CA10: variants seen among roughly 807,000 people sequenced by gnomAD.
CA10 encodes the protein carbonic anhydrase-related protein 10.
Under a neutral mutation model 44.2 loss-of-function variants are expected in CA10, and 14 were observed. That is an observed-to-expected ratio of 0.32 (90% CI 0.21 to 0.50). The LOEUF is 0.50. Ranked by LOEUF, CA10 falls within the 20% of genes least tolerant of loss-of-function variation. The pLI, the probability that CA10 is intolerant of heterozygous loss-of-function variation, is 0.99. For synonymous variants in CA10, 159 were observed against 141.6 expected (o/e 1.12, Z -0.87); for missense variants, 350 against 409.7 (o/e 0.85, Z 1.26).
chr17:51,874,991 T>TTTCTG (rs1980002479), intron 3 of CA10, among the ~76,000 whole-genome samples: 1 of 149,300 alleles, frequency 6.7e-6, no homozygotes, highest in South Asian at 2.1e-4. Context: ...TTTCTTTTCT[T>TTTCTG]TTCTTTTCTT....
chr17:51,914,186 A>T (rs760816224), intron 3 of CA10, among the ~76,000 whole-genome samples: 1 of 152,160 alleles, frequency 6.6e-6, no homozygotes, highest in African/African-American at 2.4e-5. Context: ...TGAACACCCC[A>T]GCTGCAAAAA....
At chr17:51,919,310 G>A (rs1567885144) in intron 3 of CA10, among the ~76,000 whole-genome samples, 1 of 152,024 alleles carries the variant, frequency 6.6e-6, no homozygotes, top group Admixed American at 6.5e-5. Flanking sequence ...GGAGTAGATC[G>A]ACCAATTTCA....
intron 1 of CA10, among the ~76,000 whole-genome samples, chr17:52,086,615 G>A: frequency 6.6e-6 from 1 of 152,138 alleles, no homozygotes; most frequent in East Asian, 1.9e-4. Flanking sequence ...AGAACTGAGG[G>A]AAGTCTTGTA....
At chr17:52,109,567 C>T (rs574240510) in intron 1 of CA10, among the ~76,000 whole-genome samples, 10 of 152,272 alleles carry the variant, frequency 6.6e-5, no homozygotes, top group African/African-American at 2.4e-4. Flanking sequence ...CAGATTAATG[C>T]AGATTACATT....
chr17:52,106,529 A>G (rs1803636744), intron 1 of CA10, among the ~76,000 whole-genome samples: 2 of 152,196 alleles, frequency 1.3e-5, no homozygotes, highest in African/African-American at 4.8e-5. Context: ...TGCTACAAAA[A>G]CACATGTCAA....
intron 3 of CA10, among the ~76,000 whole-genome samples, chr17:51,826,669 A>G (rs2143774469): frequency 6.6e-6 from 1 of 152,312 alleles, no homozygotes; most frequent in Admixed American, 6.5e-5. Context: ...TAGGGTCAGC[A>G]GTGGCTCCCT....
At chr17:52,098,670 C>T (rs563331744) in intron 1 of CA10, among the ~76,000 whole-genome samples, 2 of 152,282 alleles carry the variant, frequency 1.3e-5, no homozygotes, top group East Asian at 3.9e-4. Context: ...TTTGCAGCTA[C>T]ACTAGTTTGG....
At chr17:51,712,887 TA>T (rs1231273105) in intron 4 of CA10, among the ~76,000 whole-genome samples, 7 of 152,198 alleles carry the variant, frequency 4.6e-5, no homozygotes, top group South Asian at 2.1e-4. Context: ...CTTCCTTCCA[TA>T]AAGGCAGGAG....
chr17:51,934,905 T>C (rs1051797763), intron 2 of CA10, among the ~76,000 whole-genome samples: 3 of 152,226 alleles, frequency 2.0e-5, no homozygotes, highest in East Asian at 1.9e-4. Context: ...GTAATCTAGA[T>C]TCTAGGGAAA....
intron 1 of CA10, among the ~76,000 whole-genome samples, chr17:52,151,343 C>A (rs573903494): frequency 3.9e-5 from 6 of 152,170 alleles, no homozygotes; most frequent in Admixed American, 3.3e-4. Context: ...ACTATTCTTG[C>A]CACATGATAT....
intron 3 of CA10, among the ~76,000 whole-genome samples, chr17:51,890,640 C>T (rs569360374): frequency 6.6e-6 from 1 of 152,102 alleles, no homozygotes; most frequent in Non-Finnish European, 1.5e-5. Flanking sequence ...AATGAGTGAA[C>T]AGTATATTAA....
chr17:51,634,009 T>A (rs1259956605), intron 7 of CA10, among the ~76,000 whole-genome samples: 2 of 152,206 alleles, frequency 1.3e-5, no homozygotes, highest in Non-Finnish European at 2.9e-5. Flanking sequence ...GACTCCCACA[T>A]GGTATTACGT....
At chr17:51,874,576 C>A (rs897756019) in intron 3 of CA10, among the ~76,000 whole-genome samples, 1 of 152,050 alleles carries the variant, frequency 6.6e-6, no homozygotes, top group African/African-American at 2.4e-5. Context: ...TGAGAGAGCA[C>A]CAGGTGACCT....
chr17:51,990,378 T>C (rs747439228), intron 2 of CA10, among the ~76,000 whole-genome samples: 2 of 152,050 alleles, frequency 1.3e-5, no homozygotes, highest in Non-Finnish European at 2.9e-5. Flanking sequence ...AGAAAACATT[T>C]ATGAAATTCT....
chr17:51,933,413 G>A (rs1308322981), intron 2 of CA10, among the ~76,000 whole-genome samples: 1 of 151,956 alleles, frequency 6.6e-6, no homozygotes, highest in Non-Finnish European at 1.5e-5. Flanking sequence ...ATGGAGGAAG[G>A]GGACATGAAC....
rs56145404 is a variant in CA10, at chr17:51,754,400, GATATATATATATATATATAT to G, written c.280-6602_280-6583del. Among the ~76,000 whole-genome samples the G allele has an allele frequency of 5.6e-3, 409 of 73,102 alleles. 9 individuals carry two copies. The highest frequency in any genetic ancestry group is 0.043 in the Middle Eastern group (4 of 92). The allele number at this position is 73,102 out of a possible 152,430, so 48.0% of individuals were successfully genotyped here. A position where few individuals can be genotyped will look rare whatever the true frequency, so the allele number is the denominator to read the frequency against. On this transcript the variant is annotated intron_variant, in intron 3 of 8. Transcript: ENST00000451037. ...CACATACATACTACTGTGTGTGTGT[GATATATATATATATATATAT>G]ATATATATATATATATATATATATA...
At chr17:51,661,362 T>C (rs1179444668) in intron 4 of CA10, among the ~76,000 whole-genome samples, 2 of 152,204 alleles carry the variant, frequency 1.3e-5, no homozygotes, top group Non-Finnish European at 2.9e-5. Context: ...CCAAAGGTTA[T>C]CTCTAATGGG....
intron 2 of CA10, among the ~76,000 whole-genome samples, chr17:52,043,320 C>T (rs551575845): frequency 6.6e-6 from 1 of 152,010 alleles, no homozygotes; most frequent in South Asian, 2.1e-4. Context: ...GTATTTTATT[C>T]TTTTTGGTGC....
intron 3 of CA10, among the ~76,000 whole-genome samples, chr17:51,805,713 G>A (rs1907103985): frequency 6.6e-6 from 1 of 152,176 alleles, no homozygotes; most frequent in Non-Finnish European, 1.5e-5. Flanking sequence ...CCATAGTTCA[G>A]TTTTAGAACA....
Sources: gnomAD v4.1 joint callset for allele counts (sites outside exome capture counted in the v4.1 genomes callset) on GRCh38, gnomAD v4.1.1 for gene constraint, MANE v1.5 for transcripts, NCBI Gene and HGNC (gene_info 2026-07-23, HGNC 2026-07-21) for gene names.